Variants in ADGRL3 observed in about 807,000 individuals in gnomAD.
ADGRL3 encodes the protein calcium-independent alpha-latrotoxin receptor 3.
A neutral mutation model predicts 153.5 loss-of-function variants in ADGRL3; 62 were observed. That is an observed-to-expected ratio of 0.40 (90% CI 0.33 to 0.50). ADGRL3 has a LOEUF of 0.50. ADGRL3 is among the 20% of genes least tolerant of loss of function. The probability of loss-of-function intolerance (pLI) is 0.47; values close to 1 mark genes in which losing one functional copy is unlikely to be tolerated. For missense variants in ADGRL3, 1,641 were observed against 1,859.4 expected (o/e 0.88, Z 2.16); for synonymous variants, 710 against 672.5 (o/e 1.06, Z -0.86).
chr4:62,002,798 G>A (rs2099145006), intron 21 of ADGRL3, among the ~76,000 whole-genome samples: 1 of 152,000 alleles, frequency 6.6e-6, no homozygotes, highest in African/African-American at 2.4e-5. Context: ...CAAAATCAGT[G>A]CTTACAATAA....
At chr4:61,465,758 AATATATAT>A (rs10701021) in intron 2 of ADGRL3, among the ~76,000 whole-genome samples, 3 of 130,178 alleles carry the variant, frequency 2.3e-5, no homozygotes, top group East Asian at 4.6e-4. Context: ...ATTATATATA[AATATATAT>A]ATATATATAT....
At chr4:61,566,913 C>T (rs2098818643) in intron 4 of ADGRL3, among the ~76,000 whole-genome samples, 1 of 152,024 alleles carries the variant, frequency 6.6e-6, no homozygotes, top group Admixed American at 6.6e-5. Flanking sequence ...CGTAGAATTA[C>T]CCATATTGTC....
At chr4:61,207,418 T>C (rs558495788) in intron 1 of ADGRL3, among the ~76,000 whole-genome samples, 1 of 152,350 alleles carries the variant, frequency 6.6e-6, no homozygotes, top group Admixed American at 6.5e-5. Context: ...ATGGTGTATA[T>C]GTGCCACATT....
chr4:61,340,037 G>A (rs1338460759), intron 1 of ADGRL3, among the ~76,000 whole-genome samples: 1 of 152,198 alleles, frequency 6.6e-6, no homozygotes, highest in African/African-American at 2.4e-5. Context: ...TAAAGAGTGT[G>A]AAGTTGAGTA....
intron 15 of ADGRL3, among the ~76,000 whole-genome samples, chr4:61,936,441 C>T (rs2098838812): frequency 6.6e-6 from 1 of 151,936 alleles, no homozygotes; most frequent in African/African-American, 2.4e-5. Flanking sequence ...GGTTATTCAG[C>T]TTCTTTTTGA....
chr4:62,047,657 C>T (rs990633520), intron 25 of ADGRL3, among the ~76,000 whole-genome samples: 1 of 151,990 alleles, frequency 6.6e-6, no homozygotes, highest in Non-Finnish European at 1.5e-5. Flanking sequence ...TTTATATTCT[C>T]TTTGGAAGTT....
rs527597439 is a variant in ADGRL3, at chr4:61,407,650, C to A, written c.-174+24461C>A. 2.6e-5 allele frequency among the ~76,000 whole-genome samples: 4 copies of A among 152,244 alleles called. No individual in the cohort carries two copies. In the South Asian group the frequency reaches 8.3e-4, roughly 32 times the overall value. ...CAGATTCTCTGTCATCATTGAAGAA[C>A]AACTTGAAGGGTTAGAAAAAGGCAA... On this transcript the variant is annotated intron_variant, in intron 2 of 26. Transcript: ENST00000683033.
chr4:61,373,163 A>G (rs2096560471), intron 1 of ADGRL3, among the ~76,000 whole-genome samples: 1 of 152,104 alleles, frequency 6.6e-6, no homozygotes, highest in Non-Finnish European at 1.5e-5. Context: ...GGTACCTCAG[A>G]TGGAAATGCA....
At chr4:61,528,732 G>A (rs984530447) in intron 4 of ADGRL3, among the ~76,000 whole-genome samples, 1 of 152,134 alleles carries the variant, frequency 6.6e-6, no homozygotes, top group Non-Finnish European at 1.5e-5. Flanking sequence ...TGAGGTGGAA[G>A]GGCCACACTT....
chr4:61,453,053 A>C lies in ADGRL3; in HGVS notation c.-173-44068A>C, dbSNP rs375805583. Among the ~76,000 whole-genome samples, 14 of 152,272 alleles carry C rather than the reference A, an allele frequency of 9.2e-5. No homozygotes were observed. In the East Asian group the frequency reaches 2.5e-3, roughly 27 times the overall value. ...ACCATAGGTGGCCCAGTAGTTCAGAAGTATAATAGAGTAATTGTAAAGGAT... is the reference window on the plus strand; with the variant it reads ...ACCATAGGTGGCCCAGTAGTTCAGACGTATAATAGAGTAATTGTAAAGGAT... On this transcript the variant is annotated intron_variant, in intron 2 of 26. Transcript: ENST00000683033.
intron 11 of ADGRL3, among the ~76,000 whole-genome samples, chr4:61,902,496 C>G (rs982822191): frequency 6.6e-6 from 1 of 152,250 alleles, no homozygotes; most frequent in East Asian, 1.9e-4. Flanking sequence ...TTAGACGGAT[C>G]CTATTTAAGC....
intron 1 of ADGRL3, among the ~76,000 whole-genome samples, chr4:61,312,231 A>G (rs1233487941): frequency 6.6e-6 from 1 of 152,290 alleles, no homozygotes; most frequent in African/African-American, 2.4e-5. Flanking sequence ...AACATAAAAA[A>G]TGAGTCTAGA....
At chr4:61,994,843 T>TAC (rs1040177740) in intron 19 of ADGRL3, among the ~76,000 whole-genome samples, 3 of 151,926 alleles carry the variant, frequency 2.0e-5, no homozygotes, top group Non-Finnish European at 4.4e-5. Flanking sequence ...CATGTATATA[T>TAC]ACACACTATA....
intron 13 of ADGRL3, among the ~76,000 whole-genome samples, chr4:61,934,529 AAAT>A (rs1188224369): frequency 6.6e-6 from 1 of 152,140 alleles, no homozygotes; most frequent in African/African-American, 2.4e-5. Flanking sequence ...TTCCCCAGCC[AAAT>A]AATTTAATTA....
At chr4:61,374,084 T>A (rs1560538719) in intron 1 of ADGRL3, among the ~76,000 whole-genome samples, 1 of 152,200 alleles carries the variant, frequency 6.6e-6, no homozygotes, top group African/African-American at 2.4e-5. Context: ...GCTTGAATCA[T>A]GTATGAGTAA....
At chr4:61,668,641 T>G (rs1425743828) in intron 5 of ADGRL3, among the ~76,000 whole-genome samples, 1 of 152,224 alleles carries the variant, frequency 6.6e-6, no homozygotes, top group African/African-American at 2.4e-5. Context: ...ATCACAGATC[T>G]TCATTTACAT....
Position 62,006,139 on chromosome 4 carries a change from A to T in ADGRL3, c.3395+7874A>T, listed in dbSNP as rs190521599. On this transcript the variant is annotated intron_variant, in intron 21 of 26. Transcript: ENST00000683033. Reference sequence around the variant, plus strand: ...AACATCCACCTCCTGGATTTAAGGGATTCTCCTGCCTCAGCCTCCCAAGTA... The same window carrying T: ...AACATCCACCTCCTGGATTTAAGGGTTTCTCCTGCCTCAGCCTCCCAAGTA... Among the ~76,000 whole-genome samples, 682 of 149,124 alleles carry T rather than the reference A, an allele frequency of 4.6e-3. 9 individuals carry two copies. The highest frequency in any genetic ancestry group is 0.016 in the African/African-American group (639 of 40,414).
At chr4:61,578,889 A>G (rs1429634389) in intron 4 of ADGRL3, among the ~76,000 whole-genome samples, 6 of 152,048 alleles carry the variant, frequency 3.9e-5, no homozygotes, top group Non-Finnish European at 2.9e-5. Flanking sequence ...TTCTCCAACT[A>G]CAAGCTTCTA....
rs146993269 is a variant in ADGRL3 at position 61,587,170 on chromosome 4, A to G, written c.260-57A>G. The G allele has an allele frequency of 1.4e-3, 1,708 of 1,181,536 alleles. 6 individuals carry two copies. The highest frequency in any genetic ancestry group is 0.012 in the Middle Eastern group (45 of 3,806). 73.2% of individuals were successfully genotyped at this position (1,181,536 alleles called of 1,614,324 possible). A position where few individuals can be genotyped will look rare whatever the true frequency, so the allele number is the denominator to read the frequency against. On this transcript the variant is annotated intron_variant, in intron 4 of 26. Coordinates refer to ENST00000683033, the MANE Select transcript of ADGRL3 (RefSeq NM_001387552.1). ...AACATTGGAAAAGCGAACACATGTA[A>G]TTTTCCTTTGTATGTAGTAACGATG...
Sources: allele counts gnomAD v4.1 joint callset (sites outside exome capture counted in the v4.1 genomes callset), GRCh38; gene constraint gnomAD v4.1.1; transcripts MANE v1.5; gene names NCBI Gene and HGNC (gene_info 2026-07-23, HGNC 2026-07-21).